DLGAP2: variants seen among roughly 807,000 people sequenced by gnomAD.
The protein encoded by DLGAP2 is disks large-associated protein 2.
DLGAP2 carries 26 observed loss-of-function variants against 100.3 expected under a neutral mutation model. That is an observed-to-expected ratio of 0.26 (90% CI 0.19 to 0.36). The LOEUF (loss-of-function observed/expected upper bound fraction) is 0.36. Among genes scored for constraint, DLGAP2 ranks in the 10% least tolerant of loss-of-function variants. The pLI, the probability that DLGAP2 is intolerant of heterozygous loss-of-function variation, is 1.00. For missense variants in DLGAP2, 1,858 were observed against 1,453.2 expected, an observed-to-expected ratio of 1.28 and a Z score of -4.53; for synonymous variants, 886 against 630.1, an observed-to-expected ratio of 1.41 and a Z score of -6.08.
At chr8:1,563,079 C>T (rs376143737) in intron 5 of DLGAP2, among the ~76,000 whole-genome samples, 6 of 19,682 alleles carry the variant, frequency 3.0e-4, no homozygotes, top group African/African-American at 8.6e-4. Flanking sequence ...TGGGTGTCCG[C>T]GCCTCGTTGC....
In DLGAP2 at chr8:1,351,064, CTGAG is replaced by C. The variant is rs1260086849; in HGVS notation, c.106+92184_106+92187del. Among the ~76,000 whole-genome samples, 43 of 41,180 alleles carry C rather than the reference CTGAG, an allele frequency of 1.0e-3. 1 individual carries two copies. The highest frequency in any genetic ancestry group is 1.2e-3 in the Non-Finnish European group (28 of 24,332). The allele number at this position is 41,180 out of a possible 152,430, so 27.0% of individuals were successfully genotyped here. A position where few individuals can be genotyped will look rare whatever the true frequency, so the allele number is the denominator to read the frequency against. Reference sequence around the variant, plus strand: ...TGTGTGTGGAAAGGCCGTGCAGATCCTGAGTGTGTGTGGAAACACCGTGCGGGTC... The same window carrying C: ...TGTGTGTGGAAAGGCCGTGCAGATCCTGTGTGTGGAAACACCGTGCGGGTC... On this transcript the variant is annotated intron_variant, in intron 3 of 14. Transcript: ENST00000637795.
intron 2 of DLGAP2, among the ~76,000 whole-genome samples, chr8:1,236,394 C>T (rs1253837551): frequency 1.2e-4 from 5 of 42,912 alleles, no homozygotes; most frequent in Non-Finnish European, 2.2e-4. Flanking sequence ...CACATGGTGC[C>T]GTGTCTAGTT....
At chr8:754,756 C>T (rs535339781) in intron 1 of DLGAP2, among the ~76,000 whole-genome samples, 3 of 152,250 alleles carry the variant, frequency 2.0e-5, no homozygotes, top group South Asian at 2.1e-4. Flanking sequence ...GTGGGAGGAT[C>T]GCTTGAGTCC....
intron 3 of DLGAP2, among the ~76,000 whole-genome samples, chr8:1,433,431 G>A (rs1469202775): frequency 6.6e-6 from 1 of 152,190 alleles, no homozygotes; most frequent in African/African-American, 2.4e-5. Flanking sequence ...CCCGAACCAC[G>A]TGGTTTAGAA....
intron 1 of DLGAP2, among the ~76,000 whole-genome samples, chr8:811,659 GC>G (rs1327046554): frequency 6.7e-6 from 1 of 149,214 alleles, no homozygotes; most frequent in Non-Finnish European, 1.5e-5. Context: ...TATCTGGGGG[GC>G]CCTGCCAGGG....
chr8:1,428,585 AT>A (rs1399894365), intron 3 of DLGAP2, among the ~76,000 whole-genome samples: 1 of 152,246 alleles, frequency 6.6e-6, no homozygotes, highest in Non-Finnish European at 1.5e-5. Flanking sequence ...GATGGAAAAT[AT>A]TAAATAAGAC....
At chr8:1,346,616 G>T (rs1269596165) in intron 3 of DLGAP2, among the ~76,000 whole-genome samples, 5 of 148,978 alleles carry the variant, frequency 3.4e-5, no homozygotes, top group Non-Finnish European at 7.4e-5. Flanking sequence ...CTGTGTGGAG[G>T]TTGAGTTCTG....
chr8:1,087,124 A>G (rs528290967), intron 2 of DLGAP2, among the ~76,000 whole-genome samples: 3 of 152,338 alleles, frequency 2.0e-5, no homozygotes, highest in South Asian at 4.1e-4. Flanking sequence ...ATAAATAGAT[A>G]AAAAAGTTAA....
At chr8:771,149 C>G (rs1476726708) in intron 1 of DLGAP2, among the ~76,000 whole-genome samples, 5 of 152,120 alleles carry the variant, frequency 3.3e-5, no homozygotes, top group Admixed American at 1.3e-4. Flanking sequence ...TAATTTATGT[C>G]AGTGATTGCT....
At chr8:1,233,124 C>G (rs1435315925) in intron 2 of DLGAP2, among the ~76,000 whole-genome samples, 1 of 152,214 alleles carries the variant, frequency 6.6e-6, no homozygotes, top group Non-Finnish European at 1.5e-5. Context: ...TAGACACTCC[C>G]TCCATGCTTT....
intron 2 of DLGAP2, among the ~76,000 whole-genome samples, chr8:1,093,442 C>G (rs772721234): frequency 2.6e-5 from 4 of 151,728 alleles, no homozygotes; most frequent in Non-Finnish European, 2.9e-5. Context: ...GACAGTCAGA[C>G]AGAAACACTT....
chr8:855,133 C>G (rs1291538966), intron 1 of DLGAP2, among the ~76,000 whole-genome samples: 1 of 152,160 alleles, frequency 6.6e-6, no homozygotes, highest in Admixed American at 6.5e-5. Flanking sequence ...TGTGCAGCGT[C>G]TTCGTGTGGG....
intron 1 of DLGAP2, among the ~76,000 whole-genome samples, chr8:900,106 GCCT>G: frequency 6.7e-6 from 1 of 148,750 alleles, no homozygotes; most frequent in Middle Eastern, 3.6e-3. Flanking sequence ...ATGGTGGGCG[GCCT>G]CCTCTTCACG....
intron 2 of DLGAP2, among the ~76,000 whole-genome samples, chr8:1,010,243 T>C (rs1331012841): frequency 6.6e-6 from 1 of 152,072 alleles, no homozygotes; most frequent in Non-Finnish European, 1.5e-5. Context: ...TACACACATG[T>C]GCCCACATAT....
intron 6 of DLGAP2, among the ~76,000 whole-genome samples, chr8:1,586,324 G>C (rs1026502876): frequency 1.3e-5 from 2 of 152,184 alleles, no homozygotes; most frequent in Non-Finnish European, 2.9e-5. Flanking sequence ...TCAGCCCCCT[G>C]TTTCCAGAGG....
chr8:1,320,048 C>T (rs1800859347), intron 3 of DLGAP2, among the ~76,000 whole-genome samples: 1 of 151,852 alleles, frequency 6.6e-6, no homozygotes, highest in African/African-American at 2.4e-5. Context: ...GCCTCTGGGC[C>T]CAGGGAGTTG....
intron 4 of DLGAP2, among the ~76,000 whole-genome samples, chr8:1,539,643 C>T (rs1801289668): frequency 6.6e-6 from 1 of 151,186 alleles, no homozygotes; most frequent in African/African-American, 2.4e-5. Context: ...CCGCCCTCAC[C>T]AGGAGCTGTG....
intron 2 of DLGAP2, among the ~76,000 whole-genome samples, chr8:1,058,530 G>A (rs138908126): frequency 6.8e-4 from 104 of 152,314 alleles, no homozygotes; most frequent in African/African-American, 2.5e-3. Context: ...AACGTAGCTG[G>A]CTAATGTGGT....
intron 2 of DLGAP2, among the ~76,000 whole-genome samples, chr8:1,229,920 A>G (rs761876608): frequency 6.6e-6 from 1 of 152,200 alleles, no homozygotes; most frequent in Non-Finnish European, 1.5e-5. Context: ...ATTAATACTG[A>G]ATAGACACAA....
Sources: gnomAD v4.1 joint callset for allele counts (sites outside exome capture counted in the v4.1 genomes callset) on GRCh38, gnomAD v4.1.1 for gene constraint, MANE v1.5 for transcripts, NCBI Gene and HGNC (gene_info 2026-07-23, HGNC 2026-07-21) for gene names.